The following PLTP variants were observed in gnomAD, a reference collection of about 807,000 sequenced individuals.
The protein encoded by PLTP is BPI fold containing family E.
In PLTP, 43 loss-of-function variants were observed where a neutral mutation model predicts 54.1. The observed-to-expected ratio is 0.79, with a 90% CI of 0.62 to 1.02. The LOEUF is 1.02. PLTP is among the 50% of genes least tolerant of loss of function. The pLI, the probability that PLTP is intolerant of heterozygous loss-of-function variation, is 0.00. For missense variants in PLTP, 604 were observed against 645.9 expected, an observed-to-expected ratio of 0.94 and a Z score of 0.70; for synonymous variants, 263 against 264.6, an observed-to-expected ratio of 0.99 and a Z score of 0.06.
In PLTP at chr20:45,911,399, CTCTGCATG is replaced by C; in HGVS notation, c.46_53del (p.His16ValfsTer49). 1 of 1,610,118 alleles carries C rather than the reference CTCTGCATG, an allele frequency of 6.2e-7. No individual in the cohort carries two copies. The highest frequency in any genetic ancestry group is 8.5e-7 in the Non-Finnish European group (1 of 1,180,002). On this transcript the variant is annotated frameshift_variant, in exon 2 of 16. Coordinates refer to ENST00000372431, the MANE Select transcript of PLTP (RefSeq NM_006227.4). LOFTEE classifies it high-confidence loss of function. Reference sequence around the variant, plus strand: ...TGACGCGGATCTTGCAGCCTGGGAACTCTGCATGTGCGCCTGCCAGCAGCGCTAGGAAG... The same window carrying C: ...TGACGCGGATCTTGCAGCCTGGGAACTGCGCCTGCCAGCAGCGCTAGGAAG...
intron 12 of PLTP, 83 bp from the exon 13 acceptor site, chr20:45,899,961 G>T: frequency 8.1e-7 from 1 of 1,234,078 alleles, no homozygotes; most frequent in Non-Finnish European, 1.2e-6. Flanking sequence ...TGCCAGAGGT[G>T]TCTGAGTTGC....
Position 45,899,402 on chromosome 20 carries a change from C to T in PLTP, c.1359+60G>A, listed in dbSNP as rs2083151848. Reference sequence around the variant, plus strand: ...AGCTGGGGTCAGGTAATGGAGGGCACTGGGGAGCTATAGAGAGAGGGGAAG... The same window carrying T: ...AGCTGGGGTCAGGTAATGGAGGGCATTGGGGAGCTATAGAGAGAGGGGAAG... On this transcript the variant is annotated intron_variant, in intron 15 of 15. Coordinates refer to ENST00000372431, the MANE Select transcript of PLTP (RefSeq NM_006227.4). 6 of 1,558,674 alleles carry T rather than the reference C, an allele frequency of 3.8e-6. No homozygotes were observed. In the African/African-American group the frequency reaches 5.4e-5, roughly 14 times the overall value.
chr20:45,910,832 GA>G (rs1374496494), intron 3 of PLTP: 1 of 1,258,158 alleles, frequency 7.9e-7, no homozygotes, highest in Non-Finnish European at 1.0e-6. Flanking sequence ...CCGTGCCCGA[GA>G]CTCCACTCTC....
At chr20:45,911,091 C>T in intron 3 of PLTP, 61 bp downstream of exon 3, 1 of 1,611,638 alleles carries the variant, frequency 6.2e-7, no homozygotes, top group Non-Finnish European at 8.5e-7. Context: ...TGAGATTTCT[C>T]GGGCCCCGCC....
rs770049115 is a variant in PLTP, at chr20:45,911,187, C to T, written c.165G>A (p.Arg55=). The T allele has an allele frequency of 6.2e-7, 1 of 1,614,138 alleles. No homozygotes were observed. The highest frequency in any genetic ancestry group is 2.2e-5 in the East Asian group (1 of 44,876). Reference sequence around the variant, plus strand: ...TGTAGTAGAAGTGGCCTTCTTTGCCCCGCAGGTCCGGAATGGTGATAGTCT... The same window carrying T: ...TGTAGTAGAAGTGGCCTTCTTTGCCTCGCAGGTCCGGAATGGTGATAGTCT... The part of the protein sequence containing the change: ...ELETITIPDL[R]GKEGHFYYNI... The change falls in exon 3 of 16, where the codon CGG becomes CGA. Residue 55 remains arginine, a synonymous_variant. Transcript: ENST00000372431.
chr20:45,909,894 A>G, intron 4 of PLTP, 48 bp downstream of exon 4: 1 of 1,610,676 alleles, frequency 6.2e-7, no homozygotes, highest in East Asian at 2.2e-5. Context: ...CAGCACCTCC[A>G]GCCCTCCTGA....
chr20:45,899,807 G>GACCCCCCCC, intron 13 of PLTP, 29 bp downstream of exon 13: 2 of 1,369,458 alleles, frequency 1.5e-6, no homozygotes, highest in Non-Finnish European at 1.0e-6. Context: ...CACGAACCCA[G>GACCCCCCCC]CCCAGCCCAC....
At position 45,898,773 on chromosome 20, in the gene PLTP, C is replaced by T. The variant is rs1217546585; in HGVS notation, c.*168G>A. On this transcript the variant is annotated 3_prime_UTR_variant, in exon 16 of 16. Coordinates refer to ENST00000372431, the MANE Select transcript of PLTP (RefSeq NM_006227.4). This position sits in a 1 kb window ranked among gnomAD's most constrained non-coding sequence, Gnocchi z 4.6. ...AGCCCACAGGGAGGTGGTGGACGGA[C>T]TGTAATTGATAGATTGATTATGGAA... The T allele has an allele frequency of 9.7e-6, 8 of 822,348 alleles. No homozygotes were observed. The highest frequency in any genetic ancestry group is 1.3e-5 in the Non-Finnish European group (7 of 530,294). The allele number at this position is 822,348 out of a possible 1,614,324, so 50.9% of individuals were successfully genotyped here.
chr20:45,900,670 G>A (rs559967718), intron 12 of PLTP, among the ~76,000 whole-genome samples: 48 of 152,174 alleles, frequency 3.2e-4, no homozygotes, highest in Middle Eastern at 3.4e-3. Flanking sequence ...TGGGACCACA[G>A]GCGTGCATCA....
intron 7 of PLTP, among the ~76,000 whole-genome samples, chr20:45,907,283 C>A (rs1341628194): frequency 6.7e-6 from 1 of 149,480 alleles, no homozygotes; most frequent in Non-Finnish European, 1.5e-5. Flanking sequence ...GCTGAGATCG[C>A]GCCACTGGAC....
In PLTP at chr20:45,902,217, G is replaced by A. The variant is rs770013413; in HGVS notation, c.1175+50C>T. ...TTTAAGCGCAACATCCCTGTGGACAGGTGTGATTGTCCTCCAATCACTGAG... is the reference window on the plus strand; with the variant it reads ...TTTAAGCGCAACATCCCTGTGGACAAGTGTGATTGTCCTCCAATCACTGAG... On this transcript the variant is annotated intron_variant, in intron 12 of 15. Transcript: ENST00000372431. The A allele has an allele frequency of 5.1e-6, 8 of 1,561,210 alleles. No homozygotes were observed. In the East Asian group the frequency reaches 1.6e-4, roughly 31 times the overall value.
At position 45,904,797 on chromosome 20, in the gene PLTP, C is replaced by T. The variant is rs771714055; in HGVS notation, c.942+3G>A. The T allele has an allele frequency of 7.4e-6, 12 of 1,614,134 alleles. 1 individual carries two copies. In the South Asian group the frequency reaches 1.2e-4, roughly 16 times the overall value. On this transcript the variant is annotated splice_donor_region_variant and intron_variant, in intron 10 of 15. Transcript: ENST00000372431. ...CCCTATCCCTGCCCCCGCCAGCACT[C>T]ACCAGCAGGACAATGCTCCCAAAGT... is the stretch of plus-strand genomic sequence containing the variant.
chr20:45,907,664 C>T (rs1568775952), intron 7 of PLTP, 28 bp downstream of exon 7: 2 of 1,607,106 alleles, frequency 1.2e-6, no homozygotes, highest in African/African-American at 2.7e-5. Flanking sequence ...GACAGCTGCA[C>T]ACCCAGACTC....
chr20:45,903,460 G>C (rs1181993049), intron 10 of PLTP, among the ~76,000 whole-genome samples: 1 of 152,088 alleles, frequency 6.6e-6, no homozygotes, highest in African/African-American at 2.4e-5. Flanking sequence ...AAACTCCTGG[G>C]CTCAAGTGAT....
intron 1 of PLTP, 199 bp from the exon 2 acceptor site, chr20:45,911,662 C>A (rs1394058360): frequency 7.1e-6 from 5 of 703,668 alleles, no homozygotes; most frequent in Non-Finnish European, 1.2e-5. Context: ...GTTCTGGCTC[C>A]CAGAGGATTT....
At chr20:45,903,121 ATTCGCCC>A (rs2083202927) in intron 10 of PLTP, among the ~76,000 whole-genome samples, 1 of 152,158 alleles carries the variant, frequency 6.6e-6, no homozygotes, top group African/African-American at 2.4e-5. Flanking sequence ...CAGGCTAGTG[ATTCGCCC>A]ACCTCGGCCT....
intron 5 of PLTP, among the ~76,000 whole-genome samples, chr20:45,908,339 T>C (rs1210094558): frequency 6.6e-6 from 1 of 152,166 alleles, no homozygotes; most frequent in Admixed American, 6.5e-5. Flanking sequence ...AAATGTTTTT[T>C]GCTCCAGATA....
At position 45,909,551 on chromosome 20, in the gene PLTP, G is replaced by A. The variant is rs777784445; in HGVS notation, c.450C>T (p.Val150=). Residue 150 remains valine (V), a synonymous_variant, in exon 5 of 16, where the codon GTC becomes GTT. Transcript: ENST00000372431. ...CCCCGAAGGCCGCGTGCATTCTGGA[G>A]ACAGAGGCCTGGCAGGAGACATTGG... is the stretch of plus-strand genomic sequence containing the variant. The part of the protein sequence containing the change: ...KVSNVSCQAS[V]SRMHAAFGGT... 1 of 1,614,240 alleles carries A rather than the reference G, an allele frequency of 6.2e-7. No individual in the cohort carries two copies. Among genetic ancestry groups the A allele is most frequent in the Non-Finnish European group, 8.5e-7 (1 of 1,180,046 alleles).
In PLTP at chr20:45,909,991, T is replaced by C. The variant is rs755852266; in HGVS notation, c.280A>G (p.Asn94Asp). 1.2e-6 allele frequency: 2 copies of C among 1,614,054 alleles called. No homozygotes were observed. Among genetic ancestry groups the C allele is most frequent in the Admixed American group, 1.7e-5 (1 of 60,002 alleles). ...CGGAAGCGCAGCCCCAAGGAGGCAT[T>C]GGTGATTTGAAGCATCAGCTCCTGC... is the stretch of plus-strand genomic sequence containing the variant. Reference protein sequence around the residue: ...PQQELMLQITNASLGLRFRRQ... With the variant: ...PQQELMLQITDASLGLRFRRQ... Residue 94 changes from asparagine (N) to aspartate (D), a missense_variant, in exon 4 of 16, where the codon AAT becomes GAT. Coordinates refer to ENST00000372431, the MANE Select transcript of PLTP (RefSeq NM_006227.4).
Sources: allele counts gnomAD v4.1 joint callset (sites outside exome capture counted in the v4.1 genomes callset), GRCh38; gene constraint gnomAD v4.1.1; non-coding constraint Gnocchi (gnomAD v3.1); transcripts MANE v1.5; gene names NCBI Gene and HGNC (gene_info 2026-07-23, HGNC 2026-07-21).